Variants in FCHO1 observed in about 807,000 individuals in gnomAD.
FCHO1 encodes the protein F-BAR domain only protein 1.
A neutral mutation model predicts 114.4 loss-of-function variants in FCHO1; 45 were observed. The ratio of observed to expected loss-of-function variants is 0.39; its 90% CI spans 0.31 to 0.50. The LOEUF (loss-of-function observed/expected upper bound fraction) is 0.50, where lower values mean the gene tolerates loss of function less well. Among genes scored for constraint, FCHO1 ranks in the 20% least tolerant of loss-of-function variants. FCHO1 has a pLI of 0.77. For synonymous variants in FCHO1, 480 were observed against 488.9 expected (o/e 0.98, Z 0.24); for missense variants, 1,042 against 1,209.6 (o/e 0.86, Z 2.06).
intron 26 of FCHO1, 101 bp downstream of exon 26, chr19:17,785,025 C>A (rs551443835): frequency 2.7e-5 from 32 of 1,193,822 alleles, no homozygotes; most frequent in Middle Eastern, 2.8e-4. Flanking sequence ...TCGGCCTGAC[C>A]GTTAACTGTG....
chr19:17,752,951 G>T (rs549528304), intron 1 of FCHO1, among the ~76,000 whole-genome samples: 26 of 151,862 alleles, frequency 1.7e-4, no homozygotes, highest in African/African-American at 6.0e-4. Flanking sequence ...TTATTCAGGC[G>T]TGAGCCTGTA....
chr19:17,784,963 TC>T lies in FCHO1; in HGVS notation c.2426+44del, dbSNP rs781644445. The T allele has an allele frequency of 1.9e-6, 3 of 1,594,030 alleles. No homozygotes were observed. The highest frequency in any genetic ancestry group is 1.7e-6 in the Non-Finnish European group (2 of 1,173,556). The stretch of plus-strand genomic sequence containing the variant: ...GGAGGCCAAGGAAAACTCAGCAGTT[TC>T]CCCCATAACCCCAGACCTTCTCCCT... On this transcript the variant is annotated intron_variant, in intron 26 of 28. Transcript: ENST00000596536. This position sits in a 1 kb window ranked among gnomAD's most constrained non-coding sequence, Gnocchi z 5.3.
At chr19:17,758,245 C>T (rs1438688491) in intron 4 of FCHO1, among the ~76,000 whole-genome samples, 3 of 150,604 alleles carry the variant, frequency 2.0e-5, no homozygotes, top group South Asian at 2.1e-4. Context: ...GTATTCCTGG[C>T]GAGCTGGAGG....
chr19:17,783,229 G>A (rs1365220495), intron 24 of FCHO1, 57 bp downstream of exon 24: 7 of 1,545,620 alleles, frequency 4.5e-6, no homozygotes, highest in East Asian at 2.3e-5. Context: ...TCAGGCTTCC[G>A]GACTCTGAGT....
rs1290031513 is a variant in FCHO1, at chr19:17,762,828, G to T, written c.94G>T (p.Glu32Ter). Reference sequence around the variant, plus strand: ...GAAGCAGGGGCCCATCTCCACCAAGGAGCTGGCGGACTTCATCCGGGAGAG... The same window carrying T: ...GAAGCAGGGGCCCATCTCCACCAAGTAGCTGGCGGACTTCATCCGGGAGAG... Reference protein sequence around the residue: ...SVKQGPISTKELADFIRERAT... With the variant: ...SVKQGPISTK The change falls in exon 5 of 29, where the codon GAG becomes TAG. Residue 32 changes from glutamate (E) to a stop codon, truncating the protein, a stop_gained. Transcript: ENST00000596536. LOFTEE classifies it high-confidence loss of function. The T allele has an allele frequency of 6.2e-7, 1 of 1,613,784 alleles. No homozygotes were observed. The highest frequency in any genetic ancestry group is 1.1e-5 in the South Asian group (1 of 91,066).
chr19:17,772,788 C>T (rs1458903708), intron 11 of FCHO1, 47 bp downstream of exon 11: 4 of 1,401,314 alleles, frequency 2.9e-6, no homozygotes, highest in Non-Finnish European at 3.0e-6. Flanking sequence ...GCCACAGCTG[C>T]AGACAGGCAT....
At chr19:17,779,952 TG>T (rs1362744126) in intron 20 of FCHO1, among the ~76,000 whole-genome samples, 2 of 150,454 alleles carry the variant, frequency 1.3e-5, no homozygotes, top group Non-Finnish European at 3.0e-5. Flanking sequence ...CAGCAGGAGA[TG>T]GGGGGAGAGC....
At position 17,764,279 on chromosome 19, in the gene FCHO1, G is replaced by A. The variant is rs150720896; in HGVS notation, c.120-96G>A. 47 of 1,261,584 alleles carry A rather than the reference G, an allele frequency of 3.7e-5. No homozygotes were observed. The South Asian group carries it at 3.7e-4, about 10-fold the overall frequency. 78.1% of individuals were successfully genotyped at this position (1,261,584 alleles called of 1,614,324 possible). A position where few individuals can be genotyped will look rare whatever the true frequency, so the allele number is the denominator to read the frequency against. On this transcript the variant is annotated intron_variant, in intron 5 of 28. Coordinates refer to ENST00000596536, the MANE Select transcript of FCHO1 (RefSeq NM_015122.3). ...TGGTCTTGAACTCCTAACCTCAGGT[G>A]ATCCGTCCGCCTCGGCCTCCCAGAG...
Position 17,755,131 on chromosome 19 carries a change from G to A in FCHO1, c.-34G>A, listed in dbSNP as rs1156594361. 7 of 1,612,320 alleles carry A rather than the reference G, an allele frequency of 4.3e-6. No homozygotes were observed. The highest frequency in any genetic ancestry group is 1.6e-4 in the Middle Eastern group (1 of 6,084). On this transcript the variant is annotated 5_prime_UTR_variant, in exon 4 of 29. Coordinates refer to ENST00000596536, the MANE Select transcript of FCHO1 (RefSeq NM_015122.3). ...CTCTCTCTTCAGACAGGCACTGGACGGGGCCTGCAGGGGTCTCCACAGAGA... is the reference window on the plus strand; with the variant it reads ...CTCTCTCTTCAGACAGGCACTGGACAGGGCCTGCAGGGGTCTCCACAGAGA...
intron 27 of FCHO1, 21 bp from the exon 28 acceptor site, chr19:17,787,661 G>T: frequency 6.5e-7 from 1 of 1,542,088 alleles, no homozygotes; most frequent in Non-Finnish European, 8.8e-7. Flanking sequence ...CCAGGGCGCA[G>T]CTGACTGCAG....
rs1412792043 is a variant in FCHO1 at position 17,751,759 on chromosome 19, G to A, written c.-183+182G>A. Among the ~76,000 whole-genome samples the A allele has an allele frequency of 6.6e-6, 1 of 152,258 alleles. No homozygotes were observed. Among genetic ancestry groups the A allele is most frequent in the African/African-American group, 2.4e-5 (1 of 41,476 alleles). On this transcript the variant is annotated intron_variant, in intron 1 of 28. Coordinates refer to ENST00000596536, the MANE Select transcript of FCHO1 (RefSeq NM_015122.3). The surrounding 1 kb of genome is among the most constrained non-coding windows in gnomAD (Gnocchi z 4.4). Reference sequence around the variant, plus strand: ...CTGCCCCCCGTCCCCCATTCCAGCTGTGAGTGGTGGTTTGGGTTAGGGGGG... The same window carrying A: ...CTGCCCCCCGTCCCCCATTCCAGCTATGAGTGGTGGTTTGGGTTAGGGGGG...
intron 26 of FCHO1, 61 bp from the exon 27 acceptor site, chr19:17,786,513 G>T: frequency 1.3e-6 from 2 of 1,565,558 alleles, no homozygotes; most frequent in Middle Eastern, 1.7e-4. Context: ...AGCTGAGGCA[G>T]GACCCTGGGC....
At chr19:17,759,735 C>T (rs1197925187) in intron 4 of FCHO1, among the ~76,000 whole-genome samples, 1 of 151,586 alleles carries the variant, frequency 6.6e-6, no homozygotes, top group Non-Finnish European at 1.5e-5. Flanking sequence ...GAGTTCAAGA[C>T]CAGCTTGACC....
chr19:17,765,501 T>C, intron 6 of FCHO1, among the ~76,000 whole-genome samples: 1 of 151,872 alleles, frequency 6.6e-6, no homozygotes, highest in East Asian at 1.9e-4. Flanking sequence ...GAGAAACCCC[T>C]GTCTCTACTA....
intron 4 of FCHO1, 42 bp from the exon 5 acceptor site, chr19:17,762,717 ATGT>A (rs2086831461): frequency 2.1e-6 from 3 of 1,410,362 alleles, no homozygotes; most frequent in South Asian, 2.3e-5. Context: ...AGCAACTATG[ATGT>A]TCTCTCCATC....
chr19:17,777,910 G>A (rs2092845281), intron 18 of FCHO1, among the ~76,000 whole-genome samples: 1 of 151,876 alleles, frequency 6.6e-6, no homozygotes, highest in Non-Finnish European at 1.5e-5. Context: ...ATGGTGGCAG[G>A]TGCCTGTAAT....
Position 17,775,641 on chromosome 19 carries a change from C to A in FCHO1, c.1003+128C>A. On this transcript the variant is annotated intron_variant, in intron 15 of 28. Coordinates refer to ENST00000596536, the MANE Select transcript of FCHO1 (RefSeq NM_015122.3). This position sits in a 1 kb window ranked among gnomAD's most constrained non-coding sequence, Gnocchi z 5.1. ...GAGAGAGTCTCCTTTGTGGATGAAG[C>A]CAACCTAAATGTAAACACCCACTCT... 1.1e-6 allele frequency: 1 copy of A among 922,178 alleles called. No individual in the cohort carries two copies. The highest frequency in any genetic ancestry group is 1.7e-6 in the Non-Finnish European group (1 of 573,134). The allele number at this position is 922,178 out of a possible 1,614,324, so 57.1% of individuals were successfully genotyped here. A position where few individuals can be genotyped will look rare whatever the true frequency, so the allele number is the denominator to read the frequency against.
In FCHO1 at chr19:17,784,569, T is replaced by G. The variant is rs2093703045; in HGVS notation, c.2227-156T>G. Among the ~76,000 whole-genome samples the G allele has an allele frequency of 6.6e-6, 1 of 152,162 alleles. No homozygotes were observed. Among genetic ancestry groups the G allele is most frequent in the South Asian group, 2.1e-4 (1 of 4,828 alleles). ...GCTCTCCTGCCCCCTGCTGGAAACC[T>G]GGTGTAATACAGCCTCTCATCCATC... On this transcript the variant is annotated intron_variant, in intron 25 of 28. Transcript: ENST00000596536. The surrounding 1 kb of genome is among the most constrained non-coding windows in gnomAD (Gnocchi z 5.3).
intron 24 of FCHO1, among the ~76,000 whole-genome samples, chr19:17,783,779 C>G (rs2093638505): frequency 6.6e-6 from 1 of 151,674 alleles, no homozygotes; most frequent in Non-Finnish European, 1.5e-5. Flanking sequence ...TGGGGTTGCA[C>G]CATGTTGGTC....
Sources: allele counts gnomAD v4.1 joint callset (sites outside exome capture counted in the v4.1 genomes callset), GRCh38; gene constraint gnomAD v4.1.1; non-coding constraint Gnocchi (gnomAD v3.1); transcripts MANE v1.5; gene names NCBI Gene and HGNC (gene_info 2026-07-23, HGNC 2026-07-21).